KCNK2: variants seen among roughly 807,000 people sequenced by gnomAD.
The protein encoded by KCNK2 is potassium channel subfamily K member 2.
In KCNK2, 21 loss-of-function variants were observed where a neutral mutation model predicts 40.5. The observed-to-expected ratio is 0.52, with a 90% confidence interval of 0.37 to 0.75. The LOEUF (loss-of-function observed/expected upper bound fraction) is 0.75, where lower values mean the gene tolerates loss of function less well. Among genes scored for constraint, KCNK2 ranks in the 30% least tolerant of loss-of-function variants. KCNK2 has a pLI of 0.00. For synonymous variants in KCNK2, 191 were observed against 202.2 expected (o/e 0.94, Z 0.47); for missense variants, 399 against 531.6 (o/e 0.75, Z 2.45).
At chr1:215,075,484 T>C (rs1339235774) in intron 1 of KCNK2, among the ~76,000 whole-genome samples, 1 of 152,222 alleles carries the variant, frequency 6.6e-6, no homozygotes. Context: ...GTATGTTTAC[T>C]CCATGATGAC....
chr1:215,060,618 A>G (rs1026295808), intron 1 of KCNK2, among the ~76,000 whole-genome samples: 1 of 152,206 alleles, frequency 6.6e-6, no homozygotes, highest in Non-Finnish European at 1.5e-5. Context: ...GTAGCCGTAG[A>G]AAAAAATTAT....
chr1:215,165,875 G>A (rs1663421110), intron 3 of KCNK2, among the ~76,000 whole-genome samples: 1 of 151,980 alleles, frequency 6.6e-6, no homozygotes, highest in Admixed American at 6.6e-5. Flanking sequence ...ATTTGCCCAA[G>A]GTCACATAAC....
rs151131960 is a variant in KCNK2 at position 215,046,450 on chromosome 1, T to C, written c.35-39918T>C. Among the ~76,000 whole-genome samples the C allele has an allele frequency of 2.5e-3, 388 of 152,234 alleles. 1 individual carries two copies. The highest frequency in any genetic ancestry group is 3.5e-3 in the Non-Finnish European group (236 of 67,950). ...AGTTTGATCTTAGTATTTAAGCATA[T>C]AGAACTTGGGGAGACTTCATTTTCT... On this transcript the variant is annotated intron_variant, in intron 1 of 6. Coordinates refer to the KCNK2 transcript ENST00000391895.
At chr1:215,179,158 T>C (rs1316362729) in intron 5 of KCNK2, among the ~76,000 whole-genome samples, 1 of 152,104 alleles carries the variant, frequency 6.6e-6, no homozygotes, top group Non-Finnish European at 1.5e-5. Flanking sequence ...TTCATGATAG[T>C]CTCTGAGAAT....
intron 2 of KCNK2, among the ~76,000 whole-genome samples, chr1:215,087,607 T>G (rs1234277716): frequency 6.6e-6 from 1 of 152,250 alleles, no homozygotes; most frequent in South Asian, 2.1e-4. Flanking sequence ...TGTATACACA[T>G]TTGTTTTCCT....
chr1:215,149,921 A>T (rs1662609581), intron 3 of KCNK2, among the ~76,000 whole-genome samples: 1 of 152,242 alleles, frequency 6.6e-6, no homozygotes, highest in Non-Finnish European at 1.5e-5. Context: ...GCTACCACGA[A>T]GCATAGACTG....
Position 215,236,348 on chromosome 1 carries a change from C to T in KCNK2, c.*1203C>T, listed in dbSNP as rs955397455. 1.3e-5 allele frequency: 2 copies of T among 152,544 alleles called. No individual in the cohort carries two copies. Among genetic ancestry groups the T allele is most frequent in the African/African-American group, 4.8e-5 (2 of 41,428 alleles). The allele number at this position is 152,544 out of a possible 1,614,324, so 9.4% of individuals were successfully genotyped here. ...ACAGTGGTGAGTGCAGGGCACAGTC[C>T]TAGCCTTCTGTGGGTATACTTTTGG... is the stretch of plus-strand genomic sequence containing the variant. On this transcript the variant is annotated 3_prime_UTR_variant, in exon 7 of 7. Transcript: ENST00000444842.
chr1:215,197,373 T>G (rs1664907582), intron 6 of KCNK2, among the ~76,000 whole-genome samples: 1 of 152,180 alleles, frequency 6.6e-6, no homozygotes, highest in Non-Finnish European at 1.5e-5. Flanking sequence ...TGGTTTCTGG[T>G]GAGGCCTCTC....
At chr1:215,196,672 G>A (rs776772225) in intron 6 of KCNK2, among the ~76,000 whole-genome samples, 3 of 152,022 alleles carry the variant, frequency 2.0e-5, no homozygotes, top group Non-Finnish European at 4.4e-5. Context: ...ATTGTATGTG[G>A]TGTGCGTGTG....
intron 6 of KCNK2, 78 bp downstream of exon 6, chr1:215,195,170 C>T (rs1382084099): frequency 7.9e-6 from 9 of 1,139,278 alleles, no homozygotes; most frequent in Non-Finnish European, 1.1e-5. Context: ...TTTATGTTTA[C>T]ATTTAAAATA....
chr1:215,198,002 C>G (rs372525221), intron 6 of KCNK2, among the ~76,000 whole-genome samples: 26 of 7,094 alleles, frequency 3.7e-3, no homozygotes, highest in African/African-American at 4.1e-3. Context: ...TTGTCTCAAA[C>G]AAACAAACAA....
intron 1 of KCNK2, among the ~76,000 whole-genome samples, chr1:215,060,880 A>G (rs2102507469): frequency 6.6e-6 from 1 of 152,308 alleles, no homozygotes; most frequent in South Asian, 2.1e-4. Context: ...TTAAGACTAT[A>G]TGATTGTGCA....
intron 1 of KCNK2, among the ~76,000 whole-genome samples, chr1:215,063,431 C>T (rs981842922): frequency 1.3e-5 from 2 of 152,170 alleles, no homozygotes; most frequent in Non-Finnish European, 2.9e-5. Flanking sequence ...GATGAGGTAA[C>T]AGGTCCATCT....
At chr1:215,067,888 T>C (rs1658613696) in intron 1 of KCNK2, among the ~76,000 whole-genome samples, 1 of 152,010 alleles carries the variant, frequency 6.6e-6, no homozygotes. Context: ...ACTTTCATAT[T>C]TAATATTTCA....
intron 3 of KCNK2, among the ~76,000 whole-genome samples, chr1:215,125,976 T>C (rs1024137781): frequency 1.4e-4 from 22 of 151,994 alleles, no homozygotes; most frequent in Admixed American, 3.9e-4. Flanking sequence ...GTTTTTTCTT[T>C]CCACATACCT....
intron 1 of KCNK2, among the ~76,000 whole-genome samples, chr1:215,048,411 T>C (rs1657860408): frequency 6.6e-6 from 1 of 152,134 alleles, no homozygotes; most frequent in Admixed American, 6.5e-5. Context: ...AAATGCTTAG[T>C]GATTAAAGGG....
chr1:215,171,729 C>T (rs1663717035), intron 4 of KCNK2, among the ~76,000 whole-genome samples: 1 of 151,950 alleles, frequency 6.6e-6, no homozygotes, highest in South Asian at 2.1e-4. Context: ...TGTTGTAAAG[C>T]TATGTGAGGA....
At chr1:215,196,897 C>T (rs985083160) in intron 6 of KCNK2, among the ~76,000 whole-genome samples, 8 of 152,106 alleles carry the variant, frequency 5.3e-5, no homozygotes, top group African/African-American at 1.9e-4. Context: ...AAAACACATG[C>T]ACACAAGCAT....
chr1:215,188,252 T>C (rs1273821809), intron 5 of KCNK2, among the ~76,000 whole-genome samples: 1 of 152,150 alleles, frequency 6.6e-6, no homozygotes, highest in Non-Finnish European at 1.5e-5. Context: ...CTCCCTCCTA[T>C]AGAGGTACAA....
Sources: allele counts gnomAD v4.1 joint callset (sites outside exome capture counted in the v4.1 genomes callset), GRCh38; gene constraint gnomAD v4.1.1; transcripts MANE v1.5; gene names NCBI Gene and HGNC (gene_info 2026-07-23, HGNC 2026-07-21).